BCR: variants seen among roughly 807,000 people sequenced by gnomAD.
BCR encodes the protein breakpoint cluster region protein.
A neutral mutation model predicts 138.6 loss-of-function variants in BCR; 58 were observed. The observed-to-expected ratio is 0.42, with a 90% confidence interval of 0.34 to 0.52. The LOEUF is 0.52. Ranked by LOEUF, BCR falls within the 20% of genes least tolerant of loss-of-function variation. The probability of loss-of-function intolerance (pLI) is 0.06; values close to 1 mark genes in which losing one functional copy is unlikely to be tolerated. For missense variants in BCR, 1,599 were observed against 1,727.2 expected (o/e 0.93, Z 1.32); for synonymous variants, 786 against 730.1 (o/e 1.08, Z -1.23).
chr22:23,220,566 T>A (rs770855033), intron 1 of BCR, among the ~76,000 whole-genome samples: 8 of 152,232 alleles, frequency 5.3e-5, no homozygotes, highest in Non-Finnish European at 1.2e-4. Context: ...TCTGAGGCCC[T>A]GAGGCTGCCT....
At chr22:23,279,146 C>T (rs934230637) in intron 8 of BCR, among the ~76,000 whole-genome samples, 1 of 152,216 alleles carries the variant, frequency 6.6e-6, no homozygotes, top group Non-Finnish European at 1.5e-5. Flanking sequence ...AAGAGCTCAG[C>T]AAACATTAGC....
chr22:23,277,690 T>C (rs2146293409), intron 8 of BCR, among the ~76,000 whole-genome samples: 1 of 152,276 alleles, frequency 6.6e-6, no homozygotes, highest in Admixed American at 6.5e-5. Context: ...CCTGGGCAAG[T>C]CTGGCATCGA....
chr22:23,182,642 C>G (rs894433431), intron 1 of BCR, among the ~76,000 whole-genome samples: 4 of 152,216 alleles, frequency 2.6e-5, no homozygotes, highest in Non-Finnish European at 5.9e-5. Flanking sequence ...ACATCGGATG[C>G]TGTTAGCAGG....
chr22:23,276,574 G>A lies in BCR; in HGVS notation c.2115+2800G>A, dbSNP rs138292436. On this transcript the variant is annotated intron_variant, in intron 8 of 22. Transcript: ENST00000305877. Reference sequence around the variant, plus strand: ...GACTAATGACTCTAGAAAAGTCACCGTGAGTCTGACCAGCACCCCTTCACT... The same window carrying A: ...GACTAATGACTCTAGAAAAGTCACCATGAGTCTGACCAGCACCCCTTCACT... 6.8e-3 allele frequency among the ~76,000 whole-genome samples: 1,043 copies of A among 152,308 alleles called. 11 individuals are homozygous for A. The highest frequency in any genetic ancestry group is 0.021 in the African/African-American group (856 of 41,568).
At chr22:23,287,997 C>A (rs1456244728) in intron 11 of BCR, 100 bp from the exon 12 acceptor site, 2 of 1,168,208 alleles carry the variant, frequency 1.7e-6, no homozygotes, top group East Asian at 2.4e-5. Context: ...CTCCAGCCGG[C>A]TGGAGATACG....
In BCR at chr22:23,215,798, C is replaced by G. The variant is rs368693454; in HGVS notation, c.1279+33559C>G. ...GGTTGGGACAGTGGTTCTGCACCCC[C>G]ACTCAGCAGCTCAGGAACTGAAGTT... is the stretch of plus-strand genomic sequence containing the variant. On this transcript the variant is annotated intron_variant, in intron 1 of 22. Coordinates refer to ENST00000305877, the MANE Select transcript of BCR (RefSeq NM_004327.4). 2.6e-3 allele frequency among the ~76,000 whole-genome samples: 392 copies of G among 152,318 alleles called. 3 individuals carry two copies. The highest frequency in any genetic ancestry group is 9.0e-3 in the African/African-American group (373 of 41,564).
chr22:23,253,947 G>T lies in BCR; in HGVS notation c.1428G>T (p.Ala476=). Reference sequence around the variant, plus strand: ...GCAAGGGCAGGGGCAGCCGGGATGCGCTGGTCTCGGGAGCCCTGGAGTCCA... The same window carrying T: ...GCAAGGGCAGGGGCAGCCGGGATGCTCTGGTCTCGGGAGCCCTGGAGTCCA... The part of the protein sequence containing the change: ...LSSKGRGSRD[A]LVSGALESTK... Residue 476 remains alanine (A), a synonymous_variant, in exon 2 of 23, where the codon GCG becomes GCT. Transcript: ENST00000305877. 1 of 1,613,022 alleles carries T rather than the reference G, an allele frequency of 6.2e-7. No individual in the cohort carries two copies. The highest frequency in any genetic ancestry group is 8.5e-7 in the Non-Finnish European group (1 of 1,179,932).
At chr22:23,292,045 A>G (rs2073793116) in intron 14 of BCR, among the ~76,000 whole-genome samples, 1 of 151,922 alleles carries the variant, frequency 6.6e-6, no homozygotes, top group African/African-American at 2.4e-5. Context: ...GCACCCCACG[A>G]CTTCTCCAGC....
At chr22:23,216,261 T>A (rs1212482659) in intron 1 of BCR, among the ~76,000 whole-genome samples, 3 of 152,212 alleles carry the variant, frequency 2.0e-5, no homozygotes, top group Non-Finnish European at 4.4e-5. Flanking sequence ...TGTCTTTCAC[T>A]TTGAATTCTG....
chr22:23,311,453 A>G (rs1038569898), intron 18 of BCR, among the ~76,000 whole-genome samples: 12 of 151,824 alleles, frequency 7.9e-5, no homozygotes, highest in Non-Finnish European at 1.8e-4. Context: ...ACCTTCCCGC[A>G]AAGGTCATGT....
intron 8 of BCR, among the ~76,000 whole-genome samples, chr22:23,274,548 G>A (rs1379657500): frequency 6.6e-6 from 1 of 152,200 alleles, no homozygotes; most frequent in Non-Finnish European, 1.5e-5. Flanking sequence ...GGGGTCTCAT[G>A]CAGGGACAGA....
At chr22:23,195,381 T>C (rs940602359) in intron 1 of BCR, among the ~76,000 whole-genome samples, 5 of 147,318 alleles carry the variant, frequency 3.4e-5, no homozygotes, top group Non-Finnish European at 7.4e-5. Flanking sequence ...GATCGCGCCA[T>C]TGCACTTGAG....
At chr22:23,227,960 G>A (rs1382684136) in intron 1 of BCR, among the ~76,000 whole-genome samples, 1 of 152,180 alleles carries the variant, frequency 6.6e-6, no homozygotes, top group Non-Finnish European at 1.5e-5. Context: ...TCACCAGTGG[G>A]TTTCAAGGGA....
chr22:23,266,102 T>C (rs552268353), intron 4 of BCR, among the ~76,000 whole-genome samples: 1 of 152,144 alleles, frequency 6.6e-6, no homozygotes, highest in Non-Finnish European at 1.5e-5. Context: ...TCTTTTTCCT[T>C]GAGATAGAGT....
At chr22:23,259,849 G>A (rs577338808) in intron 2 of BCR, among the ~76,000 whole-genome samples, 33 of 152,250 alleles carry the variant, frequency 2.2e-4, no homozygotes, top group African/African-American at 4.6e-4. Context: ...TTAGCAGAGC[G>A]AGGTGGTGGG....
rs113087899 is a variant in BCR, at chr22:23,289,626, GC to G, written c.2707+12del. The G allele has an allele frequency of 1.5e-5, 24 of 1,608,278 alleles. No homozygotes were observed. Among genetic ancestry groups the G allele is most frequent in the African/African-American group, 1.5e-4 (11 of 74,494 alleles). Reference sequence around the variant, plus strand: ...CGCTGACCATCAATAAGGAAGGTGGGCCCCCCCGTTTCCGTGTACAGGGCAC... The same window carrying G: ...CGCTGACCATCAATAAGGAAGGTGGGCCCCCCGTTTCCGTGTACAGGGCAC... On this transcript the variant is annotated splice_donor_region_variant and intron_variant, in intron 13 of 22. Coordinates refer to ENST00000305877, the MANE Select transcript of BCR (RefSeq NM_004327.4).
intron 1 of BCR, among the ~76,000 whole-genome samples, chr22:23,233,548 G>A (rs946835757): frequency 1.3e-5 from 2 of 152,174 alleles, no homozygotes; most frequent in Non-Finnish European, 2.9e-5. Flanking sequence ...AGCACTTTGA[G>A]AGGCTGAGGC....
In BCR at chr22:23,288,143, G is replaced by C. The variant is rs1236895080; in HGVS notation, c.2573G>C (p.Arg858Thr). The change falls in exon 12 of 23, where the codon AGG becomes ACG. Residue 858 changes from arginine (R) to threonine (T), a missense_variant. Arg to Thr is a moderately conservative substitution (Grantham distance 71). Around this residue, in one of 4 missense-constraint regions of BCR, gnomAD observed 590 missense variants for 762.4 expected, o/e 0.77. Coordinates refer to ENST00000305877, the MANE Select transcript of BCR (RefSeq NM_004327.4). Reference sequence around the variant, plus strand: ...TCTGACTATGAGCGTGCAGAGTGGAGGGAGAACATCCGGGAGCAGCAGAAG... The same window carrying C: ...TCTGACTATGAGCGTGCAGAGTGGACGGAGAACATCCGGGAGCAGCAGAAG... ...ISSDYERAEW[R>T]ENIREQQKKC... 6.2e-7 allele frequency: 1 copy of C among 1,614,082 alleles called. No individual in the cohort carries two copies. The highest frequency in any genetic ancestry group is 2.2e-5 in the East Asian group (1 of 44,880).
At chr22:23,284,643 C>T (rs1442253889) in intron 9 of BCR, among the ~76,000 whole-genome samples, 1 of 152,200 alleles carries the variant, frequency 6.6e-6, no homozygotes, top group Non-Finnish European at 1.5e-5. Context: ...CTTAGTTCCC[C>T]CATCTGTCAG....
Sources: allele counts gnomAD v4.1 joint callset (sites outside exome capture counted in the v4.1 genomes callset), GRCh38; gene constraint gnomAD v4.1.1; regional missense constraint gnomAD v4.1.1; transcripts MANE v1.5; gene names NCBI Gene and HGNC (gene_info 2026-07-23, HGNC 2026-07-21).